Variants in FRYL observed in about 807,000 individuals in gnomAD.
FRYL encodes protein furry homolog-like.
Under a neutral mutation model 351.2 loss-of-function variants are expected in FRYL, and 150 were observed. The ratio of observed to expected loss-of-function variants is 0.43; its 90% CI spans 0.37 to 0.49. FRYL has a LOEUF of 0.49. Ranked by LOEUF, FRYL falls within the 20% of genes least tolerant of loss-of-function variation. FRYL has a pLI of 0.00. For missense variants in FRYL, 3,036 were observed against 3,619.3 expected (o/e 0.84, Z 4.13); for synonymous variants, 1,153 against 1,257.1 (o/e 0.92, Z 1.75).
chr4:48,758,302 A>T (rs1285413795), intron 1 of FRYL, among the ~76,000 whole-genome samples: 1 of 152,244 alleles, frequency 6.6e-6, no homozygotes, highest in African/African-American at 2.4e-5. Flanking sequence ...CAACCTACAG[A>T]ATGAGAGGAA....
At chr4:48,733,110 A>G (rs1770919657) in intron 1 of FRYL, among the ~76,000 whole-genome samples, 1 of 151,738 alleles carries the variant, frequency 6.6e-6, no homozygotes, top group Non-Finnish European at 1.5e-5. Flanking sequence ...CCCCGTCTCT[A>G]CTAAAAATAC....
intron 15 of FRYL, among the ~76,000 whole-genome samples, chr4:48,595,264 C>T (rs966622944): frequency 1.1e-4 from 16 of 152,118 alleles, no homozygotes; most frequent in Admixed American, 9.8e-4. Flanking sequence ...GTTTAACTAG[C>T]TACAGTGGAA....
intron 55 of FRYL, among the ~76,000 whole-genome samples, chr4:48,516,117 C>T (rs567991459): frequency 2.6e-5 from 4 of 152,268 alleles, no homozygotes; most frequent in African/African-American, 9.6e-5. Flanking sequence ...GATAAAGCTT[C>T]ATCACTTAGC....
chr4:48,763,019 T>A (rs1352542641), intron 1 of FRYL, among the ~76,000 whole-genome samples: 1 of 145,282 alleles, frequency 6.9e-6, no homozygotes, highest in Non-Finnish European at 1.5e-5. Context: ...GAGACAAGGC[T>A]CAGGTCCTAA....
chr4:48,589,980 T>G, intron 17 of FRYL, 103 bp from the exon 18 acceptor site: 2 of 1,036,272 alleles, frequency 1.9e-6, no homozygotes, highest in South Asian at 3.1e-5. Flanking sequence ...TAGCTTATTG[T>G]TGCCACAAAA....
chr4:48,621,212 T>C (rs1323991203), intron 5 of FRYL, among the ~76,000 whole-genome samples: 7 of 152,200 alleles, frequency 4.6e-5, no homozygotes, highest in Non-Finnish European at 1.0e-4. Context: ...AAGACTACAT[T>C]ATGTAAGAAC....
intron 53 of FRYL, among the ~76,000 whole-genome samples, chr4:48,525,624 T>C (rs1054695316): frequency 3.3e-5 from 5 of 152,192 alleles, no homozygotes; most frequent in African/African-American, 9.7e-5. Context: ...ATGAGTTGTA[T>C]ATGTATATGT....
intron 1 of FRYL, among the ~76,000 whole-genome samples, chr4:48,731,576 C>T (rs566748493): frequency 1.3e-5 from 2 of 152,204 alleles, no homozygotes; most frequent in East Asian, 3.9e-4. Flanking sequence ...GTACTGGTAC[C>T]AAAACAGAGA....
chr4:48,520,730 G>T, intron 55 of FRYL: 1 of 187,166 alleles, frequency 5.3e-6, no homozygotes, highest in Non-Finnish European at 1.1e-5. Flanking sequence ...AAACCAAAGC[G>T]GTCCTTCTAA....
chr4:48,675,041 T>C (rs900762928), intron 3 of FRYL, among the ~76,000 whole-genome samples: 2 of 152,270 alleles, frequency 1.3e-5, no homozygotes, highest in African/African-American at 2.4e-5. Flanking sequence ...CAAGTTTCAA[T>C]TTCTTTTTTC....
intron 27 of FRYL, among the ~76,000 whole-genome samples, chr4:48,569,844 C>T (rs140485470): frequency 2.4e-3 from 372 of 152,222 alleles, no homozygotes; most frequent in African/African-American, 8.6e-3. Flanking sequence ...GACAAAGTCT[C>T]GCTCTTTTCC....
chr4:48,745,237 G>A (rs541354581), intron 1 of FRYL, among the ~76,000 whole-genome samples: 2 of 152,274 alleles, frequency 1.3e-5, no homozygotes, highest in Non-Finnish European at 2.9e-5. Context: ...ATTTGACCCA[G>A]CAATCCCATT....
intron 1 of FRYL, among the ~76,000 whole-genome samples, chr4:48,749,367 C>G (rs1037943007): frequency 6.6e-6 from 1 of 152,204 alleles, no homozygotes; most frequent in African/African-American, 2.4e-5. Context: ...GGAAACCATA[C>G]AGGCAGAATG....
intron 1 of FRYL, among the ~76,000 whole-genome samples, chr4:48,733,359 A>G (rs1355587573): frequency 6.6e-6 from 1 of 151,948 alleles, no homozygotes; most frequent in Admixed American, 6.6e-5. Context: ...CAAAAGTAAA[A>G]AAGAAATAAA....
At position 48,546,134 on chromosome 4, in the gene FRYL, TGAG is replaced by T; in HGVS notation, c.5209_5211del (p.Leu1737del). The T allele has an allele frequency of 6.2e-7, 1 of 1,613,768 alleles. No individual in the cohort carries two copies. The highest frequency in any genetic ancestry group is 8.5e-7 in the Non-Finnish European group (1 of 1,179,842). Reference sequence around the variant, plus strand: ...TGCTCCACTGAGATGTCAACCTCATTGAGGATAGTGGTGTGCAGATGTGAAATG... The same window carrying T: ...TGCTCCACTGAGATGTCAACCTCATTGATAGTGGTGTGCAGATGTGAAATG... On this transcript the variant is annotated inframe_deletion, in exon 42 of 64. Coordinates refer to ENST00000358350, the MANE Select transcript of FRYL (RefSeq NM_015030.2).
chr4:48,596,594 G>A (rs547346160), intron 13 of FRYL, among the ~76,000 whole-genome samples: 62 of 152,030 alleles, frequency 4.1e-4, no homozygotes, highest in Non-Finnish European at 8.2e-4. Flanking sequence ...CTAAAATGGA[G>A]AACATATGGT....
chr4:48,589,283 A>C (rs1423195790), intron 18 of FRYL, among the ~76,000 whole-genome samples: 1 of 152,046 alleles, frequency 6.6e-6, no homozygotes, highest in Non-Finnish European at 1.5e-5. Context: ...GGGTGGGATG[A>C]GGTAGTGTTT....
At chr4:48,771,680 G>GA (rs1775522942) in intron 1 of FRYL, among the ~76,000 whole-genome samples, 1 of 152,012 alleles carries the variant, frequency 6.6e-6, no homozygotes, top group Admixed American at 6.6e-5. Context: ...TCAAAAACCA[G>GA]AAAAAAAGCA....
chr4:48,562,122 A>C (rs1453468486), intron 32 of FRYL, among the ~76,000 whole-genome samples: 1 of 152,128 alleles, frequency 6.6e-6, no homozygotes, highest in Non-Finnish European at 1.5e-5. Flanking sequence ...TCTGAAAATA[A>C]CTCCAGCAAC....
Sources: allele counts gnomAD v4.1 joint callset (sites outside exome capture counted in the v4.1 genomes callset), GRCh38; gene constraint gnomAD v4.1.1; transcripts MANE v1.5; gene names NCBI Gene and HGNC (gene_info 2026-07-23, HGNC 2026-07-21).